The following PLEKHG1 variants were observed in gnomAD, a reference collection of about 807,000 sequenced individuals.
PLEKHG1 encodes the protein pleckstrin homology domain-containing family G member 1.
Under a neutral mutation model 100.8 loss-of-function variants are expected in PLEKHG1, and 44 were observed. The observed-to-expected ratio is 0.44, with a 90% confidence interval of 0.34 to 0.56. The LOEUF (loss-of-function observed/expected upper bound fraction) is 0.56, where lower values mean the gene tolerates loss of function less well. Ranked by LOEUF, PLEKHG1 falls within the 20% of genes least tolerant of loss-of-function variation. The pLI, the probability that PLEKHG1 is intolerant of heterozygous loss-of-function variation, is 0.01. For synonymous variants in PLEKHG1, 640 were observed against 662.5 expected (o/e 0.97, Z 0.52); for missense variants, 1,545 against 1,720.9 (o/e 0.90, Z 1.81).
intron 11 of PLEKHG1, 108 bp from the exon 13 acceptor site, chr6:150,819,571 T>TAAG: frequency 2.5e-6 from 1 of 401,364 alleles, no homozygotes; most frequent in Non-Finnish European, 4.6e-6. Flanking sequence ...GTCTCAAAAA[T>TAAG]AATAATAATA....
In PLEKHG1 at chr6:150,768,505, T is replaced by C. The variant is rs1014385358; in HGVS notation, c.412-133T>C. The C allele has an allele frequency of 1.6e-5, 10 of 633,032 alleles. No individual in the cohort carries two copies. In the African/African-American group the frequency reaches 1.7e-4, roughly 10 times the overall value. The allele number at this position is 633,032 out of a possible 1,614,324, so 39.2% of individuals were successfully genotyped here. On this transcript the variant is annotated intron_variant, in intron 2 of 15. Coordinates refer to ENST00000358517, the Ensembl canonical transcript of PLEKHG1. ...AGGGCCAGTAATAAGAGAGCAACTG[T>C]GTACTCTCAGAGTTAATGAGCACAC...
intron 1 of PLEKHG1, among the ~76,000 whole-genome samples, chr6:150,727,340 A>C (rs1562465730): frequency 6.6e-6 from 1 of 152,196 alleles, no homozygotes; most frequent in Admixed American, 6.5e-5. Context: ...AAATATGGTC[A>C]CAGGAAGCCA....
chr6:150,821,268 T>C, intron 13 of PLEKHG1, 35 bp downstream of exon 14: 1 of 1,406,340 alleles, frequency 7.1e-7, no homozygotes, highest in Middle Eastern at 1.8e-4. Flanking sequence ...GTTTCATTCT[T>C]GTTGATATTC....
intron 1 of PLEKHG1, among the ~76,000 whole-genome samples, chr6:150,732,760 G>GT (rs1782338963): frequency 1.3e-5 from 2 of 152,168 alleles, no homozygotes; most frequent in Admixed American, 6.5e-5. Flanking sequence ...TAATTTTTGT[G>GT]TTTTTTAGTA....
At chr6:150,789,545 C>T (rs771384223) in intron 4 of PLEKHG1, among the ~76,000 whole-genome samples, 1 of 152,136 alleles carries the variant, frequency 6.6e-6, no homozygotes, top group Non-Finnish European at 1.5e-5. Context: ...GAAATTCAAT[C>T]GTGCAGAAGT....
chr6:150,631,028 C>G lies in PLEKHG1; in HGVS notation c.-203-7052C>G, dbSNP rs1317380594. On this transcript the variant is annotated intron_variant, in intron 1 of 3. Coordinates refer to the PLEKHG1 transcript ENST00000367326. ...TCGATGGAGTGGAGGGGGCCAAAGT[C>G]TGATGATCCTTCTTAGAAGGGAATG... Among the ~76,000 whole-genome samples the G allele has an allele frequency of 2.6e-5, 4 of 152,152 alleles. No individual in the cohort carries two copies. The South Asian group carries it at 8.3e-4, about 32-fold the overall frequency.
intron 3 of PLEKHG1, among the ~76,000 whole-genome samples, chr6:150,671,782 G>A (rs1182621366): frequency 6.6e-6 from 1 of 152,222 alleles, no homozygotes; most frequent in East Asian, 1.9e-4. Context: ...GGACATGAAT[G>A]AAAGAGTGAA....
At chr6:150,630,141 C>T (rs1777686721) in intron 1 of PLEKHG1, among the ~76,000 whole-genome samples, 1 of 152,152 alleles carries the variant, frequency 6.6e-6, no homozygotes, top group Non-Finnish European at 1.5e-5. Flanking sequence ...GAGGCCAGTA[C>T]ATGGAAAGAA....
At chr6:150,731,336 G>A (rs1782241797) in intron 1 of PLEKHG1, among the ~76,000 whole-genome samples, 1 of 152,186 alleles carries the variant, frequency 6.6e-6, no homozygotes, top group Non-Finnish European at 1.5e-5. Context: ...CTAGCATGTG[G>A]TAGTGGTTAT....
chr6:150,746,910 C>T (rs1783195477), intron 2 of PLEKHG1, among the ~76,000 whole-genome samples: 1 of 152,232 alleles, frequency 6.6e-6, no homozygotes, highest in Non-Finnish European at 1.5e-5. Flanking sequence ...AGCTCAAACA[C>T]TTTCAAAAAT....
chr6:150,610,094 C>G (rs1340228204), intron 1 of PLEKHG1, among the ~76,000 whole-genome samples: 1 of 151,966 alleles, frequency 6.6e-6, no homozygotes, highest in African/African-American at 2.4e-5. Flanking sequence ...TCTATTTTAG[C>G]TCTTTCCTTC....
At chr6:150,635,991 T>C (rs1351092941) in intron 1 of PLEKHG1, among the ~76,000 whole-genome samples, 1 of 152,172 alleles carries the variant, frequency 6.6e-6, no homozygotes, top group Admixed American at 6.5e-5. Flanking sequence ...ATTGTATCTT[T>C]TGGGTGTTAA....
intron 6 of PLEKHG1, 84 bp downstream of exon 7, chr6:150,800,953 A>G (rs1786665623): frequency 8.9e-7 from 1 of 1,122,116 alleles, no homozygotes; most frequent in African/African-American, 1.5e-5. Context: ...ATACCAGAAA[A>G]TGCTATGGAC....
chr6:150,628,809 T>A, intron 1 of PLEKHG1, among the ~76,000 whole-genome samples: 1 of 152,146 alleles, frequency 6.6e-6, no homozygotes, highest in East Asian at 1.9e-4. Context: ...TAGCCCCAGG[T>A]AATTCACTGG....
At chr6:150,788,916 C>A (rs368346712) in intron 4 of PLEKHG1, among the ~76,000 whole-genome samples, 1 of 152,152 alleles carries the variant, frequency 6.6e-6, no homozygotes, top group Non-Finnish European at 1.5e-5. Context: ...TGCACATGTA[C>A]CACCCACTTA....
chr6:150,798,775 C>G (rs1002245610), intron 5 of PLEKHG1, among the ~76,000 whole-genome samples: 1 of 152,192 alleles, frequency 6.6e-6, no homozygotes, highest in African/African-American at 2.4e-5. Context: ...GAGTCTCGCT[C>G]TGTTGCCCAG....
At chr6:150,706,920 A>G (rs940989060) in intron 3 of PLEKHG1, among the ~76,000 whole-genome samples, 3 of 149,802 alleles carry the variant, frequency 2.0e-5, no homozygotes, top group Admixed American at 6.6e-5. Context: ...CCCCTCACCA[A>G]ATTTTTCCAT....
At position 150,671,451 on chromosome 6, in the gene PLEKHG1, C is replaced by G. The variant is rs1779578218; in HGVS notation, c.-99+20665C>G. Among the ~76,000 whole-genome samples the G allele has an allele frequency of 2.6e-5, 4 of 152,152 alleles. No homozygotes were observed. In the South Asian group the frequency reaches 8.3e-4, roughly 32 times the overall value. Reference sequence around the variant, plus strand: ...TTCCTTAAAAGAGGAAAGGACAGAGCCATTATGGGTAAGAAGGAACCAGTG... The same window carrying G: ...TTCCTTAAAAGAGGAAAGGACAGAGGCATTATGGGTAAGAAGGAACCAGTG... On this transcript the variant is annotated intron_variant, in intron 3 of 3. Coordinates refer to the PLEKHG1 transcript ENST00000367326.
chr6:150,843,586 A>G (rs1037098111), exon 16 of PLEKHG1: 3 of 152,188 alleles, frequency 2.0e-5, no homozygotes, highest in Admixed American at 2.0e-4. Context: ...ATCTAGAAAA[A>G]CATAGTTTAA....
Sources: allele counts gnomAD v4.1 joint callset (sites outside exome capture counted in the v4.1 genomes callset), GRCh38; gene constraint gnomAD v4.1.1; transcripts MANE v1.5; gene names NCBI Gene and HGNC (gene_info 2026-07-23, HGNC 2026-07-21).